The following SYT7 variants were observed in gnomAD, a reference collection of about 807,000 sequenced individuals.
The protein encoded by SYT7 is synaptotagmin-7.
In SYT7, 29 loss-of-function variants were observed where a neutral mutation model predicts 75.1. That is an observed-to-expected ratio of 0.39 (90% confidence interval 0.29 to 0.53). The LOEUF (loss-of-function observed/expected upper bound fraction) is 0.53. SYT7 is among the 20% of genes least tolerant of loss of function. The pLI, the probability that SYT7 is intolerant of heterozygous loss-of-function variation, is 0.77. For synonymous variants in SYT7, 376 were observed against 401.7 expected (o/e 0.94, Z 0.76); for missense variants, 693 against 953.2 (o/e 0.73, Z 3.59).
intron 7 of SYT7, among the ~76,000 whole-genome samples, chr11:61,534,224 C>T (rs770125804): frequency 5.9e-5 from 9 of 152,206 alleles, no homozygotes; most frequent in African/African-American, 9.7e-5. Flanking sequence ...GGGAGCCACA[C>T]GCTGAGGGTG....
chr11:61,518,541 G>T lies in SYT7; in HGVS notation c.*86C>A, dbSNP rs948718547. On this transcript the variant is annotated 3_prime_UTR_variant, in exon 13 of 13. Transcript: ENST00000539008. ...AGGGTCCTCCCCTCCCTATGGCAGG[G>T]GGCTCAGGCCGGGCGTTGTGCATAA... 4.1e-6 allele frequency: 4 copies of T among 971,046 alleles called. No individual in the cohort carries two copies. Among genetic ancestry groups the T allele is most frequent in the Non-Finnish European group, 5.9e-6 (4 of 682,160 alleles). The allele number at this position is 971,046 out of a possible 1,614,324, so 60.2% of individuals were successfully genotyped here.
At position 61,551,266 on chromosome 11, in the gene SYT7, C is replaced by T. The variant is rs532527819; in HGVS notation, c.215+118G>A. The T allele has an allele frequency of 7.8e-5, 75 of 958,536 alleles. No individual in the cohort carries two copies. The highest frequency in any genetic ancestry group is 2.0e-4 in the East Asian group (8 of 40,034). 59.4% of individuals were successfully genotyped at this position (958,536 alleles called of 1,614,324 possible). On this transcript the variant is annotated intron_variant, in intron 3 of 12. Transcript: ENST00000539008. The surrounding 1 kb of genome is among the most constrained non-coding windows in gnomAD (Gnocchi z 5.3). ...GTGGAGGGTGTAGAGAGCATGGCAT[C>T]GGGGTGTGGGGGAAGTGAAAGTGTG...
rs2062580858 is a variant in SYT7 at position 61,528,081 on chromosome 11, G to A, written c.1305C>T (p.Leu435=). Residue 435 remains leucine, a synonymous_variant, in exon 9 of 13, where the codon CTC becomes CTT. Transcript: ENST00000539008. ...SVGYNFQEST[L]TVKIMKAQEL... ...CCTGGGCCTTCATGATCTTCACGGT[G>A]AGCGTGGACTCCTGGAAGTTGTAGC... 3 of 1,613,824 alleles carry A rather than the reference G, an allele frequency of 1.9e-6. No homozygotes were observed. Among genetic ancestry groups the A allele is most frequent in the South Asian group, 2.2e-5 (2 of 91,082 alleles).
the SYT7 span, among the ~76,000 whole-genome samples, chr11:61,586,822 C>G: frequency 2.0e-5 from 3 of 152,194 alleles, no homozygotes; most frequent in African/African-American, 7.2e-5. Context: ...GCTGGTCTAT[C>G]CACACCTTTT....
At position 61,551,404 on chromosome 11, in the gene SYT7, G is replaced by A; in HGVS notation, c.195C>T (p.Arg65=). 6.2e-7 allele frequency: 1 copy of A among 1,613,900 alleles called. No homozygotes were observed. The part of the protein sequence containing the change: ...TVGTPDSGRG[R]SEKKAINDLD... ...CCTACTTGATAGCCTTCTTCTCACT[G>A]CGCCCACGCCCTGAGTCTGGCGTGC... Residue 65 remains arginine, a synonymous_variant, in exon 3 of 13, where the codon CGC becomes CGT. Transcript: ENST00000539008. The surrounding 1 kb of genome is among the most constrained non-coding windows in gnomAD (Gnocchi z 5.3).
In SYT7 at chr11:61,523,824, T is replaced by G; in HGVS notation, c.1756+3A>C. 1 of 1,613,668 alleles carries G rather than the reference T, an allele frequency of 6.2e-7. No homozygotes were observed. ...CCCATCCTCTGCTGGAGAAGCCCCG[T>G]ACCTGATGTGCCCCCGATGTCCATG... On this transcript the variant is annotated splice_donor_region_variant and intron_variant, in intron 11 of 12. Coordinates refer to ENST00000539008, the MANE Select transcript of SYT7 (RefSeq NM_001365809.2). This position sits in a 1 kb window ranked among gnomAD's most constrained non-coding sequence, Gnocchi z 5.0.
At chr11:61,579,348 C>T (rs1406916028) in intron 1 of SYT7, among the ~76,000 whole-genome samples, 1 of 152,214 alleles carries the variant, frequency 6.6e-6, no homozygotes, top group Non-Finnish European at 1.5e-5. Context: ...TAGGTCCAGA[C>T]AGATGAGGGG....
chr11:61,533,194 G>C, intron 7 of SYT7, 70 bp from the exon 8 acceptor site: 3 of 1,495,370 alleles, frequency 2.0e-6, no homozygotes, highest in Non-Finnish European at 1.8e-6. Flanking sequence ...GGCCTGGGGG[G>C]TGGCAGGACC....
rs527838039 is a variant in SYT7, at chr11:61,527,970, G to A, written c.1416C>T (p.Thr472=). The A allele has an allele frequency of 2.5e-6, 4 of 1,614,142 alleles. No homozygotes were observed. The South Asian group carries it at 4.4e-5, about 18-fold the overall frequency. ...GGTTCAGGTTCTTCCGCTTCACCTT[G>A]GTCTCCAGCTTGTGCTTCTTGTCGG... ...LLPDKKHKLE[T]KVKRKNLNPH... is the part of the protein sequence containing the mutation. The change falls in exon 9 of 13, where the codon ACC becomes ACT. Residue 472 remains threonine, a synonymous_variant. Coordinates refer to ENST00000539008, the MANE Select transcript of SYT7 (RefSeq NM_001365809.2).
chr11:61,577,756 C>T (rs186466721), intron 1 of SYT7, among the ~76,000 whole-genome samples: 94 of 152,332 alleles, frequency 6.2e-4, no homozygotes, highest in African/African-American at 2.2e-3. Flanking sequence ...CTACTACTCC[C>T]AGGGACAAGC....
chr11:61,525,131 C>T (rs906852468), intron 9 of SYT7, among the ~76,000 whole-genome samples: 13 of 152,238 alleles, frequency 8.5e-5, no homozygotes, highest in African/African-American at 1.7e-4. Flanking sequence ...TCATCCGAGC[C>T]GCTGGCACCT....
chr11:61,571,068 C>T (rs537812985), intron 1 of SYT7, among the ~76,000 whole-genome samples: 5 of 152,316 alleles, frequency 3.3e-5, no homozygotes, highest in Admixed American at 2.0e-4. Flanking sequence ...GGCCACAAAG[C>T]AAGTCAGCAC....
intron 3 of SYT7, among the ~76,000 whole-genome samples, chr11:61,549,685 G>A (rs1316508185): frequency 6.6e-6 from 1 of 152,216 alleles, no homozygotes; most frequent in East Asian, 1.9e-4. Flanking sequence ...TGTCCCTCGG[G>A]GCAGAGGGCC....
intron 7 of SYT7, 162 bp from the exon 8 acceptor site, chr11:61,533,286 C>A: frequency 1.0e-6 from 1 of 985,468 alleles, no homozygotes; most frequent in Non-Finnish European, 1.2e-6. Context: ...CTGGTTTTCC[C>A]TGGAGACCCA....
chr11:61,557,164 G>A (rs1334693401), intron 1 of SYT7, among the ~76,000 whole-genome samples: 1 of 152,184 alleles, frequency 6.6e-6, no homozygotes, highest in Non-Finnish European at 1.5e-5. Flanking sequence ...CCAAATGTAA[G>A]TAAGGCAAAA....
chr11:61,537,080 G>A lies in SYT7; in HGVS notation c.1064+1064C>T, dbSNP rs184259897. Among the ~76,000 whole-genome samples, 218 of 152,360 alleles carry A rather than the reference G, an allele frequency of 1.4e-3. 1 individual carries two copies. The highest frequency in any genetic ancestry group is 5.0e-3 in the African/African-American group (208 of 41,578). On this transcript the variant is annotated intron_variant, in intron 7 of 12. Transcript: ENST00000539008. ...GACTTGCCCAAGGCTGCAGAATGAG[G>A]CTCTGGCAGAACCAGAGCTGGAAGG...
intron 8 of SYT7, among the ~76,000 whole-genome samples, chr11:61,532,451 T>C (rs1036550178): frequency 3.3e-5 from 5 of 152,128 alleles, no homozygotes; most frequent in Admixed American, 1.3e-4. Flanking sequence ...GGAGCCCCCA[T>C]CACAGCTGTC....
In SYT7 at chr11:61,556,329, C is replaced by T. The variant is rs999678627; in HGVS notation, c.32-122G>A. The T allele has an allele frequency of 1.6e-5, 12 of 737,090 alleles. No homozygotes were observed. The Admixed American group carries it at 2.2e-4, about 13-fold the overall frequency. 45.7% of individuals were successfully genotyped at this position (737,090 alleles called of 1,614,324 possible). On this transcript the variant is annotated intron_variant, in intron 1 of 12. Coordinates refer to ENST00000539008, the MANE Select transcript of SYT7 (RefSeq NM_001365809.2). ...TGGCCCCTTCACTGGGAGCTCTGAA[C>T]CCAGGTTCTACTCCCAGTTCTGCCT...
At chr11:61,529,737 C>T (rs1273603846) in intron 8 of SYT7, among the ~76,000 whole-genome samples, 2 of 152,170 alleles carry the variant, frequency 1.3e-5, no homozygotes, top group African/African-American at 4.8e-5. Flanking sequence ...CAAGGTCAAG[C>T]GATTTTCATG....
Sources: gnomAD v4.1 joint callset for allele counts (sites outside exome capture counted in the v4.1 genomes callset) on GRCh38, gnomAD v4.1.1 for gene constraint, Gnocchi (gnomAD v3.1) non-coding constraint, MANE v1.5 for transcripts, NCBI Gene and HGNC (gene_info 2026-07-23, HGNC 2026-07-21) for gene names.